CNKSR3: variants seen among roughly 807,000 people sequenced by gnomAD.
CNKSR3 encodes CNKSR family member 3, also known as connector enhancer of kinase suppressor of ras 3.
In CNKSR3, 36 loss-of-function variants were observed where a neutral mutation model predicts 67.7. That is an observed-to-expected ratio of 0.53 (90% CI 0.41 to 0.70). The LOEUF (loss-of-function observed/expected upper bound fraction) is 0.70, where lower values mean the gene tolerates loss of function less well. Ranked by LOEUF, CNKSR3 falls within the 30% of genes least tolerant of loss-of-function variation. The pLI is 0.00. For synonymous variants in CNKSR3, 281 were observed against 271.4 expected (o/e 1.04, Z -0.35); for missense variants, 630 against 695.2 (o/e 0.91, Z 1.05).
rs1274125255 is a variant in CNKSR3, at chr6:154,398,168, T to G, written c.*8186A>C. 1 of 152,136 alleles carries G rather than the reference T, an allele frequency of 6.6e-6. No homozygotes were observed. The highest frequency in any genetic ancestry group is 1.5e-5 in the Non-Finnish European group (1 of 68,016). The allele number at this position is 152,136 out of a possible 1,614,324, so 9.4% of individuals were successfully genotyped here. Reference sequence around the variant, plus strand: ...ACACAACCCCACCCCAGTCCAGTGGTGCGGATCAATAAATCGAGACTTACG... The same window carrying G: ...ACACAACCCCACCCCAGTCCAGTGGGGCGGATCAATAAATCGAGACTTACG... On this transcript the variant is annotated 3_prime_UTR_variant, in exon 13 of 13. Transcript: ENST00000607772.
chr6:154,497,651 T>C (rs560181283), intron 1 of CNKSR3, among the ~76,000 whole-genome samples: 2 of 152,384 alleles, frequency 1.3e-5, no homozygotes, highest in Admixed American at 6.5e-5. Context: ...TAAATATGTA[T>C]GGTATGTTTA....
intron 1 of CNKSR3, among the ~76,000 whole-genome samples, chr6:154,497,035 G>A (rs889157716): frequency 6.6e-6 from 1 of 152,078 alleles, no homozygotes; most frequent in African/African-American, 2.4e-5. Flanking sequence ...TTGTGAAGGC[G>A]AAATGAGATA....
chr6:154,421,607 G>A (rs1440768774), intron 9 of CNKSR3, among the ~76,000 whole-genome samples: 1 of 152,036 alleles, frequency 6.6e-6, no homozygotes, highest in Non-Finnish European at 1.5e-5. Context: ...AGGGTATATC[G>A]TTTGAAAGGA....
At chr6:154,474,592 A>C (rs889970019) in intron 1 of CNKSR3, among the ~76,000 whole-genome samples, 31 of 152,338 alleles carry the variant, frequency 2.0e-4, no homozygotes, top group African/African-American at 7.0e-4. Flanking sequence ...AGAATGTGCA[A>C]GATAGACGGG....
chr6:154,468,554 T>C (rs1035096453), intron 1 of CNKSR3, among the ~76,000 whole-genome samples: 2 of 152,114 alleles, frequency 1.3e-5, no homozygotes, highest in Non-Finnish European at 2.9e-5. Flanking sequence ...ATTAGGATAA[T>C]GGCTTCCTGT....
At chr6:154,500,256 AACACACACACAC>A (rs5881088) in intron 1 of CNKSR3, among the ~76,000 whole-genome samples, 11 of 147,214 alleles carry the variant, frequency 7.5e-5, no homozygotes, top group South Asian at 2.2e-4. Flanking sequence ...TAAAATTAGA[AACACACACACAC>A]ACACACACAC....
chr6:154,450,263 C>CA lies in CNKSR3; in HGVS notation c.53-6dup, dbSNP rs752796724. The CA allele has an allele frequency of 6.2e-7, 1 of 1,612,584 alleles. No individual in the cohort carries two copies. Among genetic ancestry groups the CA allele is most frequent in the Non-Finnish European group, 8.5e-7 (1 of 1,179,120 alleles). ...GTTGCAGGCAGTCATCCAACCCTGC[C>CA]AAAAACAATCAGAAGTCCCATTATT... On this transcript the variant is annotated splice_polypyrimidine_tract_variant and splice_region_variant and intron_variant, in intron 1 of 12. Coordinates refer to ENST00000607772, the MANE Select transcript of CNKSR3 (RefSeq NM_173515.4).
At chr6:154,411,940 T>C (rs7745077) in intron 10 of CNKSR3, among the ~76,000 whole-genome samples, 80,881 of 152,022 alleles carry the variant, frequency 0.53, 22,076 homozygotes, top group East Asian at 0.65. Flanking sequence ...CTTTTCTGAA[T>C]CAAATACTAC....
intron 9 of CNKSR3, among the ~76,000 whole-genome samples, chr6:154,417,714 T>TTAAGACACAGAC (rs1785051448): frequency 6.6e-6 from 1 of 151,920 alleles, no homozygotes; most frequent in African/African-American, 2.4e-5. Flanking sequence ...TCCCATAAGA[T>TTAAGACACAGAC]TAAGACACAG....
chr6:154,405,625 G>C lies in CNKSR3; in HGVS notation c.*729C>G, dbSNP rs765578212. The C allele has an allele frequency of 6.6e-6, 1 of 152,138 alleles. No homozygotes were observed. The highest frequency in any genetic ancestry group is 2.4e-5 in the African/African-American group (1 of 41,426). 9.4% of individuals were successfully genotyped at this position (152,138 alleles called of 1,614,324 possible). A position where few individuals can be genotyped will look rare whatever the true frequency, so the allele number is the denominator to read the frequency against. ...TCTAAATGATACTTTGGCTGTCAGC[G>C]AATCTTATAGCTTCTTTTCCCTTAA... On this transcript the variant is annotated 3_prime_UTR_variant, in exon 13 of 13. Coordinates refer to ENST00000607772, the MANE Select transcript of CNKSR3 (RefSeq NM_173515.4).
At chr6:154,442,413 G>A (rs1785615393) in intron 2 of CNKSR3, 123 bp from the exon 3 acceptor site, 5 of 740,574 alleles carry the variant, frequency 6.8e-6, no homozygotes, top group Middle Eastern at 3.5e-4. Flanking sequence ...ACGAGGTCAG[G>A]AGATCGAGGC....
chr6:154,485,799 G>C (rs922029838), intron 1 of CNKSR3, among the ~76,000 whole-genome samples: 1 of 152,184 alleles, frequency 6.6e-6, no homozygotes, highest in African/African-American at 2.4e-5. Context: ...CCCTTCTGGT[G>C]GTTGCTTCTG....
rs55806681 is a variant in CNKSR3, at chr6:154,468,393, TACACACACACACAC to T, written c.53-18149_53-18136del. Among the ~76,000 whole-genome samples, 256 of 137,314 alleles carry T rather than the reference TACACACACACACAC, an allele frequency of 1.9e-3. 6 individuals carry two copies. The highest frequency in any genetic ancestry group is 0.018 in the Admixed American group (239 of 13,400). 90.1% of individuals were successfully genotyped at this position (137,314 alleles called of 152,430 possible). A position where few individuals can be genotyped will look rare whatever the true frequency, so the allele number is the denominator to read the frequency against. On this transcript the variant is annotated intron_variant, in intron 1 of 12. Coordinates refer to ENST00000607772, the MANE Select transcript of CNKSR3 (RefSeq NM_173515.4). ...CTGCACCCAGCCCATATATATTTTATACACACACACACACACACACACACACACACACACACACA... is the reference window on the plus strand; with the variant it reads ...CTGCACCCAGCCCATATATATTTTATACACACACACACACACACACACACA...
intron 1 of CNKSR3, among the ~76,000 whole-genome samples, chr6:154,453,551 A>G (rs1330033472): frequency 6.6e-6 from 1 of 152,228 alleles, no homozygotes; most frequent in Non-Finnish European, 1.5e-5. Flanking sequence ...CCACATAAGA[A>G]TAGAATGTAT....
intron 1 of CNKSR3, among the ~76,000 whole-genome samples, chr6:154,461,853 G>T (rs188330224): frequency 1.9e-3 from 283 of 152,296 alleles, no homozygotes; most frequent in Admixed American, 5.8e-3. Flanking sequence ...CATGAACCCA[G>T]CATGGGCTTG....
rs1233316197 is a variant in CNKSR3, at chr6:154,441,391, C to T, written c.420-12G>A. On this transcript the variant is annotated splice_polypyrimidine_tract_variant and intron_variant, in intron 3 of 12. Transcript: ENST00000607772. ...CTGTAAACGGAGCCCTAGAAGGTAG[C>T]AACAATCCTCTTAAAAAGGGGTAGG... 6.2e-7 allele frequency: 1 copy of T among 1,603,950 alleles called. No homozygotes were observed. Among genetic ancestry groups the T allele is most frequent in the East Asian group, 2.2e-5 (1 of 44,832 alleles).
chr6:154,499,697 T>C (rs770767236), intron 1 of CNKSR3, among the ~76,000 whole-genome samples: 21 of 152,296 alleles, frequency 1.4e-4, no homozygotes, highest in East Asian at 1.9e-4. Flanking sequence ...CTCGAACTCC[T>C]GGGCTCAAGC....
intron 9 of CNKSR3, 25 bp from the exon 10 acceptor site, chr6:154,414,448 G>A (rs769883530): frequency 6.4e-7 from 1 of 1,566,360 alleles, no homozygotes; most frequent in South Asian, 1.2e-5. Flanking sequence ...ACACAGCAAT[G>A]CAAAGAGTGG....
At chr6:154,505,987 T>C (rs1218861102) in intron 1 of CNKSR3, among the ~76,000 whole-genome samples, 2 of 152,164 alleles carry the variant, frequency 1.3e-5, no homozygotes, top group Non-Finnish European at 2.9e-5. Context: ...AAATCAAGCT[T>C]AGAGAAAAGG....
Sources: gnomAD v4.1 joint callset for allele counts (sites outside exome capture counted in the v4.1 genomes callset) on GRCh38, gnomAD v4.1.1 for gene constraint, MANE v1.5 for transcripts, NCBI Gene and HGNC (gene_info 2026-07-23, HGNC 2026-07-21) for gene names.